The following TAX1BP1 variants were observed in gnomAD, a reference collection of about 807,000 sequenced individuals.
The protein encoded by TAX1BP1 is tax1-binding protein 1.
A neutral mutation model predicts 97.7 loss-of-function variants in TAX1BP1; 62 were observed. That is an observed-to-expected ratio of 0.63 (90% confidence interval 0.52 to 0.78). The LOEUF is 0.78. Among genes scored for constraint, TAX1BP1 ranks in the 30% least tolerant of loss-of-function variants. The probability of loss-of-function intolerance (pLI) is 0.00; values close to 1 mark genes in which losing one functional copy is unlikely to be tolerated. For missense variants in TAX1BP1, 867 were observed against 916.1 expected (o/e 0.95, Z 0.69); for synonymous variants, 340 against 304.2 (o/e 1.12, Z -1.23).
intron 15 of TAX1BP1, among the ~76,000 whole-genome samples, chr7:27,821,764 C>T (rs974573290): frequency 2.6e-5 from 4 of 152,032 alleles, no homozygotes; most frequent in African/African-American, 7.2e-5. Context: ...CAACCATCAC[C>T]GCATTCAATT....
chr7:27,742,000 A>G (rs1041657779), intron 1 of TAX1BP1, among the ~76,000 whole-genome samples: 4 of 152,378 alleles, frequency 2.6e-5, no homozygotes, highest in Non-Finnish European at 4.4e-5. Flanking sequence ...TCAATGCTTT[A>G]CAAAGCAGTA....
In TAX1BP1 at chr7:27,793,185, A is replaced by G; in HGVS notation, c.1383A>G (p.Lys461=). The change falls in exon 10 of 17, where the codon AAA becomes AAG. Residue 461 remains lysine, a synonymous_variant. Transcript: ENST00000396319. Reference sequence around the variant, plus strand: ...TTAAGGAATGCCAAAGGCTCCAAAAACAAATAAACAAACTTTCAGATCAAT... The same window carrying G: ...TTAAGGAATGCCAAAGGCTCCAAAAGCAAATAAACAAACTTTCAGATCAAT... ...EKFKECQRLQ[K]QINKLSDQSA... is the part of the protein sequence containing the mutation. 1.3e-6 allele frequency: 2 copies of G among 1,588,454 alleles called. No individual in the cohort carries two copies. Among genetic ancestry groups the G allele is most frequent in the South Asian group, 1.2e-5 (1 of 85,700 alleles).
intron 13 of TAX1BP1, among the ~76,000 whole-genome samples, chr7:27,800,762 A>G (rs1252921468): frequency 6.6e-6 from 1 of 152,166 alleles, no homozygotes; most frequent in Non-Finnish European, 1.5e-5. Flanking sequence ...ATTTTTGCCA[A>G]TATAATCTTA....
chr7:27,823,854 T>A (rs986326091), intron 15 of TAX1BP1, among the ~76,000 whole-genome samples: 1 of 152,188 alleles, frequency 6.6e-6, no homozygotes, highest in African/African-American at 2.4e-5. Context: ...AGTGGAATCA[T>A]ATAGTATTTG....
Position 27,827,421 on chromosome 7 carries a change from C to A in TAX1BP1, c.2086-317C>A, listed in dbSNP as rs147044617. On this transcript the variant is annotated intron_variant, in intron 15 of 16. Transcript: ENST00000396319. ...TGATAAAGTCAGTAAAAGTTACCTA[C>A]GTATATAGGTTTGAAAAGGTCTACT... is the stretch of plus-strand genomic sequence containing the variant. 5.4e-4 allele frequency among the ~76,000 whole-genome samples: 82 copies of A among 151,674 alleles called. 1 individual carries two copies. In the East Asian group the frequency reaches 0.015, roughly 28 times the overall value.
intron 5 of TAX1BP1, among the ~76,000 whole-genome samples, chr7:27,783,903 T>A: frequency 6.6e-6 from 1 of 152,222 alleles, no homozygotes; most frequent in Non-Finnish European, 1.5e-5. Flanking sequence ...TGTTTTTTTC[T>A]CTGGTATTAT....
chr7:27,784,350 C>T (rs1789384271), intron 5 of TAX1BP1, among the ~76,000 whole-genome samples: 1 of 152,132 alleles, frequency 6.6e-6, no homozygotes, highest in African/African-American at 2.4e-5. Flanking sequence ...TATGAATTGT[C>T]CATTTAAAGT....
intron 15 of TAX1BP1, among the ~76,000 whole-genome samples, chr7:27,820,379 C>T (rs1790928246): frequency 6.6e-6 from 1 of 152,132 alleles, no homozygotes; most frequent in African/African-American, 2.4e-5. Flanking sequence ...CTTTTATTCT[C>T]AGAAGCGTCT....
chr7:27,827,366 A>G (rs1289648045), intron 15 of TAX1BP1, among the ~76,000 whole-genome samples: 1 of 151,764 alleles, frequency 6.6e-6, no homozygotes, highest in East Asian at 1.9e-4. Flanking sequence ...AAAAAAAAAA[A>G]GCAAAAAACT....
intron 10 of TAX1BP1, 82 bp downstream of exon 10, chr7:27,793,294 T>C: frequency 4.2e-6 from 5 of 1,201,776 alleles, no homozygotes; most frequent in Non-Finnish European, 5.7e-6. Flanking sequence ...ATTCCAAATA[T>C]CAACCTTTTA....
chr7:27,774,420 C>G (rs946651023), intron 5 of TAX1BP1, among the ~76,000 whole-genome samples: 2 of 151,986 alleles, frequency 1.3e-5, no homozygotes, highest in Non-Finnish European at 2.9e-5. Context: ...AAAACCCAAG[C>G]TAGGTGTTTT....
chr7:27,800,752 A>G (rs1790103013), intron 13 of TAX1BP1, among the ~76,000 whole-genome samples: 1 of 152,116 alleles, frequency 6.6e-6, no homozygotes, highest in Non-Finnish European at 1.5e-5. Flanking sequence ...GATGAAAATT[A>G]TTTTTGCCAA....
At chr7:27,760,011 G>A (rs1195070929) in intron 3 of TAX1BP1, among the ~76,000 whole-genome samples, 3 of 152,028 alleles carry the variant, frequency 2.0e-5, no homozygotes, top group Admixed American at 1.3e-4. Context: ...TCACCACCAC[G>A]CTTGGCTGAT....
intron 15 of TAX1BP1, among the ~76,000 whole-genome samples, chr7:27,821,807 C>T (rs867974533): frequency 6.6e-6 from 1 of 152,134 alleles, no homozygotes; most frequent in African/African-American, 2.4e-5. Context: ...AAAAAAAACC[C>T]TGTAGCCTGT....
intron 1 of TAX1BP1, 188 bp downstream of exon 1, chr7:27,740,457 A>T (rs945032923): frequency 2.0e-5 from 3 of 152,558 alleles, no homozygotes; most frequent in African/African-American, 4.8e-5. Flanking sequence ...TGCGATTGTG[A>T]CGGGGGTGTG....
At position 27,752,258 on chromosome 7, in the gene TAX1BP1, A is replaced by C. The variant is rs548659291; in HGVS notation, c.162+3572A>C. On this transcript the variant is annotated intron_variant, in intron 2 of 16. Transcript: ENST00000396319. ...AACAGTCAATTGAATTAGAACTGGC[A>C]CTCATTCTATGGCATCTCAGTAAGG... 1.6e-4 allele frequency among the ~76,000 whole-genome samples: 25 copies of C among 152,304 alleles called. No homozygotes were observed. In the South Asian group the frequency reaches 5.2e-3, roughly 32 times the overall value.
At chr7:27,791,021 C>T (rs566225964) in intron 8 of TAX1BP1, among the ~76,000 whole-genome samples, 1 of 152,112 alleles carries the variant, frequency 6.6e-6, no homozygotes, top group South Asian at 2.1e-4. Flanking sequence ...TCCTTATTGA[C>T]TAGAAAAGTT....
At chr7:27,760,106 G>T (rs946343335) in intron 3 of TAX1BP1, among the ~76,000 whole-genome samples, 4 of 151,808 alleles carry the variant, frequency 2.6e-5, no homozygotes, top group African/African-American at 7.3e-5. Flanking sequence ...CACCCGCCTC[G>T]GCCTCCCAAA....
intron 2 of TAX1BP1, among the ~76,000 whole-genome samples, chr7:27,754,733 C>T (rs535783097): frequency 2.6e-5 from 4 of 152,086 alleles, no homozygotes; most frequent in South Asian, 2.1e-4. Context: ...CCACCACGCC[C>T]GGCTAATTTT....
Sources: allele counts gnomAD v4.1 joint callset (sites outside exome capture counted in the v4.1 genomes callset), GRCh38; gene constraint gnomAD v4.1.1; transcripts MANE v1.5; gene names NCBI Gene and HGNC (gene_info 2026-07-23, HGNC 2026-07-21).